SCN1A: variants seen among roughly 807,000 people sequenced by gnomAD.
SCN1A encodes sodium voltage-gated channel alpha subunit 1, also known as sodium channel protein type 1 subunit alpha.
A neutral mutation model predicts 193.7 loss-of-function variants in SCN1A; 13 were observed. The ratio of observed to expected loss-of-function variants is 0.07; its 90% CI spans 0.04 to 0.11. The LOEUF (loss-of-function observed/expected upper bound fraction) is 0.11. Among genes scored for constraint, SCN1A ranks in the 10% least tolerant of loss-of-function variants. The pLI is 1.00. For synonymous variants in SCN1A, 781 were observed against 843.6 expected (o/e 0.93, Z 1.29); for missense variants, 1,432 against 2,451.1 (o/e 0.58, Z 8.78).
intron 1 of SCN1A, among the ~76,000 whole-genome samples, chr2:166,146,181 T>C (rs1326500094): frequency 1.3e-5 from 2 of 152,124 alleles, no homozygotes; most frequent in Non-Finnish European, 2.9e-5. Context: ...CCCTGATAAG[T>C]TGCAGAAGGT....
Position 166,058,554 on chromosome 2 carries a change from A to C in SCN1A, c.383+16T>G, listed in dbSNP as rs370084285. On this transcript the variant is annotated intron_variant, in intron 5 of 28. Transcript: ENST00000674923. ...CATGTACAAATAGTTAATATTAATC[A>C]CTTGAAAAAGGATATGAATGTACCA... is the stretch of plus-strand genomic sequence containing the variant. 1 of 1,340,850 alleles carries C rather than the reference A, an allele frequency of 7.5e-7. No individual in the cohort carries two copies. The allele number at this position is 1,340,850 out of a possible 1,614,324, so 83.1% of individuals were successfully genotyped here. A position where few individuals can be genotyped will look rare whatever the true frequency, so the allele number is the denominator to read the frequency against.
intron 2 of SCN1A, among the ~76,000 whole-genome samples, chr2:166,098,952 T>C (rs1261151443): frequency 6.6e-6 from 1 of 152,146 alleles, no homozygotes; most frequent in Non-Finnish European, 1.5e-5. Context: ...AATTTACAGA[T>C]TCAATGCTAT....
chr2:166,132,170 G>T (rs1691686561), upstream of SCN1A, among the ~76,000 whole-genome samples: 1 of 152,144 alleles, frequency 6.6e-6, no homozygotes, highest in Non-Finnish European at 1.5e-5. Flanking sequence ...GTCGGGGAGT[G>T]ATCCCAACAC....
At chr2:166,108,363 A>C (rs1688927400) in intron 2 of SCN1A, among the ~76,000 whole-genome samples, 1 of 152,128 alleles carries the variant, frequency 6.6e-6, no homozygotes, top group Admixed American at 6.5e-5. Context: ...GTTAGTAGGA[A>C]TGTAAAATGG....
intron 2 of SCN1A, among the ~76,000 whole-genome samples, chr2:166,111,487 T>C (rs1233615331): frequency 4.6e-5 from 7 of 152,060 alleles, no homozygotes; most frequent in South Asian, 2.1e-4. Flanking sequence ...ACTGACAATG[T>C]TGCAAAGAGC....
intron 2 of SCN1A, among the ~76,000 whole-genome samples, chr2:166,104,918 T>C (rs755967393): frequency 2.5e-4 from 38 of 152,186 alleles, no homozygotes; most frequent in Non-Finnish European, 4.1e-4. Flanking sequence ...AAAGAATTGG[T>C]ATCATGGTCC....
intron 9 of SCN1A, 124 bp downstream of exon 9, chr2:166,051,595 G>A: frequency 1.4e-6 from 1 of 695,874 alleles, no homozygotes; most frequent in East Asian, 2.8e-5. Flanking sequence ...TTTGATACAG[G>A]CCTGCAATGT....
At chr2:166,031,947 G>A (rs1374901306) in intron 19 of SCN1A, among the ~76,000 whole-genome samples, 2 of 152,098 alleles carry the variant, frequency 1.3e-5, no homozygotes, top group Admixed American at 1.3e-4. Flanking sequence ...TATAACTGTG[G>A]CCTCACATGT....
At chr2:166,015,460 G>A in intron 20 of SCN1A, 147 bp downstream of exon 20, 1 of 947,450 alleles carries the variant, frequency 1.1e-6, no homozygotes, top group Non-Finnish European at 1.6e-6. Flanking sequence ...TAGACTTTAA[G>A]TTTTTTTGTC....
At chr2:166,085,821 A>G (rs1393541610) in intron 2 of SCN1A, among the ~76,000 whole-genome samples, 3 of 152,258 alleles carry the variant, frequency 2.0e-5, no homozygotes, top group South Asian at 2.1e-4. Flanking sequence ...CTAGACATAG[A>G]ACAAGTCTAA....
intron 1 of SCN1A, among the ~76,000 whole-genome samples, chr2:166,147,194 C>A (rs6717330): frequency 0.39 from 59,526 of 151,918 alleles, 11,972 homozygotes; most frequent in African/African-American, 0.47. Context: ...ACTTTGAAAA[C>A]CACTGTCCTA....
intron 20 of SCN1A, 62 bp from the exon 21 acceptor site, chr2:166,013,960 A>G (rs1692911704): frequency 6.4e-7 from 1 of 1,573,892 alleles, no homozygotes; most frequent in East Asian, 2.2e-5. Context: ...ATCCTTTAGC[A>G]ATGTCCTTGT....
intron 19 of SCN1A, among the ~76,000 whole-genome samples, chr2:166,029,008 A>T (rs1444281318): frequency 6.6e-6 from 1 of 152,148 alleles, no homozygotes; most frequent in Non-Finnish European, 1.5e-5. Flanking sequence ...AGGATAGAGT[A>T]AGAGAGTATT....
chr2:166,015,217 T>C (rs1693113101), intron 20 of SCN1A, among the ~76,000 whole-genome samples: 1 of 151,882 alleles, frequency 6.6e-6, no homozygotes, highest in African/African-American at 2.4e-5. Flanking sequence ...ATGTTTTCAT[T>C]AAAGAAACAC....
At chr2:166,040,393 A>C (rs1334431655) in intron 16 of SCN1A, among the ~76,000 whole-genome samples, 1 of 152,178 alleles carries the variant, frequency 6.6e-6, no homozygotes, top group African/African-American at 2.4e-5. Context: ...TACTAGGTGC[A>C]TTACTATTGT....
chr2:166,008,542 A>G (rs1691968474), intron 23 of SCN1A, among the ~76,000 whole-genome samples: 1 of 151,154 alleles, frequency 6.6e-6, no homozygotes, highest in African/African-American at 2.4e-5. Context: ...ATTTTGGTGA[A>G]AATTTGAGGC....
chr2:166,108,071 A>G (rs555804832), intron 2 of SCN1A, among the ~76,000 whole-genome samples: 1 of 152,218 alleles, frequency 6.6e-6, no homozygotes, highest in Admixed American at 6.5e-5. Context: ...TCTGGCATAT[A>G]TATATATATT....
intron 2 of SCN1A, among the ~76,000 whole-genome samples, chr2:166,079,401 A>G (rs967614): frequency 0.47 from 68,127 of 145,932 alleles, 17,372 homozygotes; most frequent in East Asian, 0.73. Context: ...GTCTCATAGC[A>G]TATAATGACT....
intron 3 of SCN1A, chr2:166,076,982 C>CTTTTTAG (rs1437019436): frequency 6.6e-6 from 1 of 151,710 alleles, no homozygotes; most frequent in African/African-American, 2.4e-5. Flanking sequence ...TTGTTGATAA[C>CTTTTTAG]TTTTTAGTTC....
Sources: allele counts gnomAD v4.1 joint callset (sites outside exome capture counted in the v4.1 genomes callset), GRCh38; gene constraint gnomAD v4.1.1; transcripts MANE v1.5; gene names NCBI Gene and HGNC (gene_info 2026-07-23, HGNC 2026-07-21).